The following MALRD1 variants were observed in gnomAD, a reference collection of about 807,000 sequenced individuals.
The protein encoded by MALRD1 is MAM and LDL receptor class A domain containing 1, also known as MAM and LDL-receptor class A domain-containing protein 1.
Under a neutral mutation model 242.1 loss-of-function variants are expected in MALRD1, and 247 were observed. That is an observed-to-expected ratio of 1.02 (90% CI 0.92 to 1.13). The LOEUF (loss-of-function observed/expected upper bound fraction) is 1.13. Ranked by LOEUF, MALRD1 falls within the 50% of genes most tolerant of loss-of-function variation. MALRD1 has a pLI of 0.00. For missense variants in MALRD1, 2,989 were observed against 2,533.1 expected (o/e 1.18, Z -3.86); for synonymous variants, 995 against 866.6 (o/e 1.15, Z -2.60).
chr10:19,196,010 G>T (rs1052146132), intron 14 of MALRD1, among the ~76,000 whole-genome samples: 3 of 151,978 alleles, frequency 2.0e-5, no homozygotes, highest in African/African-American at 7.2e-5. Context: ...AACCAGAAAA[G>T]AACTTTTAGA....
chr10:19,302,958 G>A (rs1591333), intron 21 of MALRD1, among the ~76,000 whole-genome samples: 19,666 of 151,548 alleles, frequency 0.13, 1,530 homozygotes, highest in South Asian at 0.32. Flanking sequence ...AGTTAGGGAA[G>A]GAAATGAAAG....
chr10:19,615,456 C>T lies in MALRD1; in HGVS notation c.6071-401C>T, dbSNP rs142630641. ...GCTTGAGCCCAGGAGGTTGAGGCTG[C>T]AGTGAGCTGTGTTTATGCCACTCTA... On this transcript the variant is annotated intron_variant, in intron 35 of 39. Coordinates refer to ENST00000454679, the MANE Select transcript of MALRD1 (RefSeq NM_001142308.3). Among the ~76,000 whole-genome samples, 231 of 121,302 alleles carry T rather than the reference C, an allele frequency of 1.9e-3. 2 individuals are homozygous for T. Among genetic ancestry groups the T allele is most frequent in the Admixed American group, 9.0e-3 (79 of 8,778 alleles). The allele number at this position is 121,302 out of a possible 152,430, so 79.6% of individuals were successfully genotyped here.
chr10:19,441,877 T>C (rs1411148936), intron 28 of MALRD1, among the ~76,000 whole-genome samples: 1 of 152,174 alleles, frequency 6.6e-6, no homozygotes, highest in East Asian at 1.9e-4. Context: ...AAGAAAGTCA[T>C]TGGTAGCTTG....
At chr10:19,112,745 CT>C (rs1836722698) in intron 5 of MALRD1, among the ~76,000 whole-genome samples, 1 of 152,068 alleles carries the variant, frequency 6.6e-6, no homozygotes, top group Admixed American at 6.6e-5. Flanking sequence ...AGCTTTTAGC[CT>C]TTGGAATAGA....
chr10:19,470,296 A>G (rs980970483), intron 29 of MALRD1, among the ~76,000 whole-genome samples: 4 of 151,992 alleles, frequency 2.6e-5, no homozygotes, highest in African/African-American at 9.7e-5. Flanking sequence ...TCAAGGTTGA[A>G]TAATATTCCA....
intron 26 of MALRD1, among the ~76,000 whole-genome samples, chr10:19,373,332 C>T (rs555734470): frequency 6.6e-6 from 1 of 151,770 alleles, no homozygotes; most frequent in African/African-American, 2.4e-5. Flanking sequence ...GAAACCCCGT[C>T]TCTACTAAAA....
intron 33 of MALRD1, among the ~76,000 whole-genome samples, chr10:19,572,101 C>T (rs772697579): frequency 5.3e-5 from 8 of 152,180 alleles, no homozygotes; most frequent in Non-Finnish European, 1.2e-4. Flanking sequence ...AAACAGCAGT[C>T]CTATCCCCCA....
At chr10:19,654,370 A>G (rs575361603) in intron 36 of MALRD1, among the ~76,000 whole-genome samples, 2 of 152,306 alleles carry the variant, frequency 1.3e-5, no homozygotes, top group East Asian at 1.9e-4. Context: ...TCAAGCCTGT[A>G]TGTAAATGTC....
chr10:19,406,611 G>T (rs916181214), intron 28 of MALRD1, among the ~76,000 whole-genome samples: 1 of 152,144 alleles, frequency 6.6e-6, no homozygotes. Flanking sequence ...TTGTCAGCGG[G>T]TGAGTTATTC....
chr10:19,483,172 A>T (rs1837087726), intron 29 of MALRD1, among the ~76,000 whole-genome samples: 1 of 150,728 alleles, frequency 6.6e-6, no homozygotes, highest in Non-Finnish European at 1.5e-5. Flanking sequence ...TGGATTAAAG[A>T]TTTAATGGAA....
intron 36 of MALRD1, among the ~76,000 whole-genome samples, chr10:19,652,034 C>T (rs565227826): frequency 4.6e-5 from 7 of 152,188 alleles, no homozygotes; most frequent in South Asian, 4.1e-4. Flanking sequence ...AGCCTTGGGG[C>T]GATACTGTCT....
chr10:19,402,363 A>G (rs1846897526), intron 28 of MALRD1, among the ~76,000 whole-genome samples: 1 of 152,240 alleles, frequency 6.6e-6, no homozygotes, highest in African/African-American at 2.4e-5. Context: ...CCAGGTGGAG[A>G]TCATTGAATC....
intron 26 of MALRD1, among the ~76,000 whole-genome samples, chr10:19,367,259 C>G (rs1845148306): frequency 1.3e-5 from 2 of 151,970 alleles, no homozygotes; most frequent in South Asian, 4.2e-4. Flanking sequence ...TCTCCCTATC[C>G]TCCTCTTCCT....
At chr10:19,408,241 G>A (rs769316340) in intron 28 of MALRD1, among the ~76,000 whole-genome samples, 13 of 152,112 alleles carry the variant, frequency 8.5e-5, no homozygotes, top group Non-Finnish European at 1.6e-4. Context: ...AATTAGGGAA[G>A]GGTAAGGAAT....
At chr10:19,674,245 A>C (rs1842046840) in intron 36 of MALRD1, among the ~76,000 whole-genome samples, 1 of 152,220 alleles carries the variant, frequency 6.6e-6, no homozygotes, top group Non-Finnish European at 1.5e-5. Context: ...CAGAGGCCAG[A>C]AAACACATGG....
At chr10:19,718,414 A>G (rs964129234) in intron 38 of MALRD1, among the ~76,000 whole-genome samples, 1 of 152,214 alleles carries the variant, frequency 6.6e-6, no homozygotes, top group African/African-American at 2.4e-5. Context: ...CACATCACGT[A>G]GCAAGAGCAA....
chr10:19,407,058 G>T (rs2130871731), intron 28 of MALRD1, among the ~76,000 whole-genome samples: 1 of 152,120 alleles, frequency 6.6e-6, no homozygotes, highest in Admixed American at 6.5e-5. Flanking sequence ...TCTACCTTTA[G>T]TCTTGACTCT....
At chr10:19,544,113 T>C (rs58112348) in intron 32 of MALRD1, among the ~76,000 whole-genome samples, 2,245 of 151,022 alleles carry the variant, frequency 0.015, 25 homozygotes, top group East Asian at 0.044. Flanking sequence ...GTCATATAGA[T>C]CTTTTGGTTG....
chr10:19,699,981 G>A (rs1833549678), intron 38 of MALRD1, among the ~76,000 whole-genome samples: 2 of 150,158 alleles, frequency 1.3e-5, no homozygotes, highest in Admixed American at 1.3e-4. Flanking sequence ...TATATCAAAA[G>A]ACATCCAATG....
Sources: allele counts gnomAD v4.1 joint callset (sites outside exome capture counted in the v4.1 genomes callset), GRCh38; gene constraint gnomAD v4.1.1; transcripts MANE v1.5; gene names NCBI Gene and HGNC (gene_info 2026-07-23, HGNC 2026-07-21).